Variants in ITSN1 observed in about 807,000 individuals in gnomAD.
ITSN1 encodes the protein intersectin-1.
ITSN1 carries 58 observed loss-of-function variants against 239.8 expected under a neutral mutation model. The observed-to-expected ratio is 0.24, with a 90% CI of 0.20 to 0.30. The LOEUF (loss-of-function observed/expected upper bound fraction) is 0.30, where lower values mean the gene tolerates loss of function less well. ITSN1 is among the 10% of genes least tolerant of loss of function. The pLI is 1.00. For missense variants in ITSN1, 1,558 were observed against 2,103.3 expected, an observed-to-expected ratio of 0.74 and a Z score of 5.07; for synonymous variants, 780 against 770.8, an observed-to-expected ratio of 1.01 and a Z score of -0.20.
chr21:33,875,295 G>A (rs960994605), intron 33 of ITSN1, 59 bp from the exon 34 acceptor site: 5 of 1,592,710 alleles, frequency 3.1e-6, no homozygotes, highest in South Asian at 1.1e-5. Context: ...CAGGACCCTG[G>A]ATCACAGGCC....
At chr21:33,748,481 CTAT>C (rs1004758555) in intron 5 of ITSN1, among the ~76,000 whole-genome samples, 22 of 151,844 alleles carry the variant, frequency 1.4e-4, no homozygotes, top group African/African-American at 5.3e-4. Flanking sequence ...ATTTTAATTA[CTAT>C]TATTATGTAA....
Position 33,858,995 on chromosome 21 carries a change from C to T in ITSN1, c.3890+203C>T, listed in dbSNP as rs186343088. 1.4e-3 allele frequency among the ~76,000 whole-genome samples: 208 copies of T among 152,170 alleles called. 1 individual carries two copies. Among genetic ancestry groups the T allele is most frequent in the South Asian group, 2.9e-3 (14 of 4,816 alleles). ...GAAACGCACTCCGAATCTCTCATTGCAAGAGTAGGTTTCCTGGGCACCCCA... is the reference window on the plus strand; with the variant it reads ...GAAACGCACTCCGAATCTCTCATTGTAAGAGTAGGTTTCCTGGGCACCCCA... On this transcript the variant is annotated intron_variant, in intron 31 of 39. Coordinates refer to ENST00000381318, the MANE Select transcript of ITSN1 (RefSeq NM_003024.3).
intron 34 of ITSN1, among the ~76,000 whole-genome samples, chr21:33,879,979 C>T (rs1984636000): frequency 6.6e-6 from 1 of 152,184 alleles, no homozygotes; most frequent in Admixed American, 6.5e-5. Flanking sequence ...TGCATCCAGC[C>T]TAGTTCTTGT....
chr21:33,892,093 A>G lies in ITSN1; in HGVS notation c.*3793A>G, dbSNP rs2834288. On this transcript the variant is annotated 3_prime_UTR_variant, in exon 40 of 40. Transcript: ENST00000381318. The stretch of plus-strand genomic sequence containing the variant: ...TCGAGGTGAGTGTGCAATTAGCAGC[A>G]GGTCTGCTTGGTCCAGATATGCTTG... The G allele has an allele frequency of 0.42, 63,681 of 152,070 alleles. 13,596 individuals carry two copies. Among genetic ancestry groups the G allele is most frequent in the East Asian group, 0.6 (3,121 of 5,176 alleles). 9.4% of individuals were successfully genotyped at this position (152,070 alleles called of 1,614,324 possible).
At position 33,704,346 on chromosome 21, in the gene ITSN1, A is replaced by C. The variant is rs116672407; in HGVS notation, c.-32-14451A>C. On this transcript the variant is annotated intron_variant, in intron 1 of 39. Coordinates refer to ENST00000381318, the MANE Select transcript of ITSN1 (RefSeq NM_003024.3). ...GTTTATCTTTCTTCTTTCGTTTTCC[A>C]GTGCCTTTATTGCATGGAACAGTAT... Among the ~76,000 whole-genome samples, 841 of 152,246 alleles carry C rather than the reference A, an allele frequency of 5.5e-3. 7 individuals carry two copies. Among genetic ancestry groups the C allele is most frequent in the African/African-American group, 0.019 (808 of 41,542 alleles).
intron 5 of ITSN1, among the ~76,000 whole-genome samples, chr21:33,748,278 T>C (rs1440471741): frequency 6.6e-6 from 1 of 151,890 alleles, no homozygotes; most frequent in Non-Finnish European, 1.5e-5. Context: ...AGCAAGACCC[T>C]GTCTCTACAA....
intron 11 of ITSN1, among the ~76,000 whole-genome samples, chr21:33,770,871 C>T (rs944551026): frequency 6.7e-6 from 1 of 150,164 alleles, no homozygotes; most frequent in African/African-American, 2.5e-5. Flanking sequence ...TTAAGCGATT[C>T]TCCTGTCTCA....
At chr21:33,725,229 G>A (rs1006480586) in intron 4 of ITSN1, among the ~76,000 whole-genome samples, 10 of 134,580 alleles carry the variant, frequency 7.4e-5, no homozygotes, top group African/African-American at 2.0e-4. Flanking sequence ...TCTGCCTCCC[G>A]GCTTCAAGCG....
intron 4 of ITSN1, among the ~76,000 whole-genome samples, chr21:33,732,650 T>C (rs1361950318): frequency 6.6e-6 from 1 of 152,204 alleles, no homozygotes; most frequent in East Asian, 1.9e-4. Flanking sequence ...CTCATTTTTT[T>C]CTAGTTATGT....
intron 9 of ITSN1, among the ~76,000 whole-genome samples, chr21:33,763,574 TG>T (rs1310227151): frequency 2.0e-5 from 3 of 152,152 alleles, no homozygotes; most frequent in Non-Finnish European, 4.4e-5. Flanking sequence ...AGATGTGCCT[TG>T]GGGTACAAAA....
intron 1 of ITSN1, among the ~76,000 whole-genome samples, chr21:33,697,312 C>T (rs1471158811): frequency 6.8e-6 from 1 of 146,324 alleles, no homozygotes; most frequent in Non-Finnish European, 1.5e-5. Context: ...AAACTCCTAA[C>T]CTCAGGTGAT....
chr21:33,685,003 AT>A (rs1568932953), intron 1 of ITSN1, among the ~76,000 whole-genome samples: 1 of 152,250 alleles, frequency 6.6e-6, no homozygotes, highest in African/African-American at 2.4e-5. Context: ...GGAGAGTAGT[AT>A]CATTACCCAG....
chr21:33,731,005 A>G (rs1460392672), intron 4 of ITSN1, among the ~76,000 whole-genome samples: 1 of 152,188 alleles, frequency 6.6e-6, no homozygotes, highest in Non-Finnish European at 1.5e-5. Context: ...CGTAACTACC[A>G]TATTTCCATA....
chr21:33,828,781 A>G (rs1418183102), intron 26 of ITSN1, among the ~76,000 whole-genome samples: 4 of 152,168 alleles, frequency 2.6e-5, no homozygotes, highest in Admixed American at 2.0e-4. Flanking sequence ...ACTCAGGCAG[A>G]GAAGGGTTCT....
chr21:33,781,469 G>A lies in ITSN1; in HGVS notation c.1605G>A (p.Gln535=), dbSNP rs370789903. 134 of 1,582,872 alleles carry A rather than the reference G, an allele frequency of 8.5e-5. No homozygotes were observed. The highest frequency in any genetic ancestry group is 1.1e-4 in the Non-Finnish European group (122 of 1,157,462). ...THLQQQLQES[Q]QMLGRLIPEK... is the part of the protein sequence containing the mutation. The stretch of plus-strand genomic sequence containing the variant: ...TCCTCCTTCCTTCCCAGGAATCTCA[G>A]CAAATGCTTGGAAGACTTATTCCAG... The change falls in exon 15 of 40, where the codon CAG becomes CAA. Residue 535 remains glutamine (Q), a synonymous_variant. Coordinates refer to ENST00000381318, the MANE Select transcript of ITSN1 (RefSeq NM_003024.3).
At chr21:33,737,428 C>G (rs2066570170) in intron 5 of ITSN1, among the ~76,000 whole-genome samples, 1 of 152,092 alleles carries the variant, frequency 6.6e-6, no homozygotes, top group South Asian at 2.1e-4. Flanking sequence ...GGAGAAGTTA[C>G]CAGTATATGA....
In ITSN1 at chr21:33,797,346, T is replaced by C. The variant is rs1210340053; in HGVS notation, c.1953-33T>C. The stretch of plus-strand genomic sequence containing the variant: ...AACAGTAGTGTTAACTTAGAGTTGC[T>C]TTCTTGCTGTAATCAAGCGTGTTTG... On this transcript the variant is annotated intron_variant, in intron 17 of 39. Coordinates refer to ENST00000381318, the MANE Select transcript of ITSN1 (RefSeq NM_003024.3). The surrounding 1 kb of genome is among the most constrained non-coding windows in gnomAD (Gnocchi z 4.9). The C allele has an allele frequency of 6.3e-7, 1 of 1,593,774 alleles. No individual in the cohort carries two copies. The highest frequency in any genetic ancestry group is 8.6e-7 in the Non-Finnish European group (1 of 1,163,202).
intron 24 of ITSN1, among the ~76,000 whole-genome samples, chr21:33,821,021 C>T (rs2073641000): frequency 6.6e-6 from 1 of 152,174 alleles, no homozygotes; most frequent in African/African-American, 2.4e-5. Flanking sequence ...GAAATTATTA[C>T]AAGGATAATG....
At chr21:33,728,493 G>T (rs2065966122) in intron 4 of ITSN1, among the ~76,000 whole-genome samples, 1 of 152,210 alleles carries the variant, frequency 6.6e-6, no homozygotes. Context: ...CTCCCAAAGT[G>T]CTGGGATTAC....
Sources: gnomAD v4.1 joint callset for allele counts (sites outside exome capture counted in the v4.1 genomes callset) on GRCh38, gnomAD v4.1.1 for gene constraint, Gnocchi (gnomAD v3.1) non-coding constraint, MANE v1.5 for transcripts, NCBI Gene and HGNC (gene_info 2026-07-23, HGNC 2026-07-21) for gene names.